The following ZNF639 variants were observed in gnomAD, a reference collection of about 807,000 sequenced individuals.
ZNF639 encodes the protein zinc finger amplified in esophageal squamous cell carcinomas 1.
A neutral mutation model predicts 39.8 loss-of-function variants in ZNF639; 20 were observed. That is an observed-to-expected ratio of 0.50 (90% confidence interval 0.35 to 0.73). The LOEUF (loss-of-function observed/expected upper bound fraction) is 0.73. Among genes scored for constraint, ZNF639 ranks in the 30% least tolerant of loss-of-function variants. The pLI is 0.00. For synonymous variants in ZNF639, 176 were observed against 189.8 expected (o/e 0.93, Z 0.60); for missense variants, 477 against 566.2 (o/e 0.84, Z 1.60).
In ZNF639 at chr3:179,333,283, A is replaced by T; in HGVS notation, c.319A>T (p.Ile107Phe). Residue 107 changes from isoleucine to phenylalanine, a missense_variant, in exon 6 of 6, where the codon ATT (isoleucine) becomes TTT (phenylalanine). Ile to Phe is a conservative substitution (Grantham distance 21). Transcript: ENST00000496856. ...TAFSTEKSAD[I>F]VICDEECDSP... ...TTATTCTTCAGAAAAATCTGCTGAT[A>T]TTGTAATTTGTGATGAAGAGTGTGA... is the stretch of plus-strand genomic sequence containing the variant. 1 of 1,601,612 alleles carries T rather than the reference A, an allele frequency of 6.2e-7. No individual in the cohort carries two copies. Among genetic ancestry groups the T allele is most frequent in the Non-Finnish European group, 8.5e-7 (1 of 1,174,198 alleles).
At chr3:179,333,206 C>G (rs190089713) in intron 5 of ZNF639, 63 bp from the exon 6 acceptor site, 2 of 1,544,940 alleles carry the variant, frequency 1.3e-6, no homozygotes, top group East Asian at 4.6e-5. Flanking sequence ...TTTTTTTTGC[C>G]CAGTTGTATT....
chr3:179,329,554 C>T (rs747382078), intron 3 of ZNF639, 64 bp from the exon 4 acceptor site: 188 of 860,858 alleles, frequency 2.2e-4, no homozygotes, highest in Admixed American at 1.5e-3. Flanking sequence ...AGTTAGATAA[C>T]GGGAAGTTTC....
At chr3:179,331,300 G>T (rs1010471323) in intron 4 of ZNF639, among the ~76,000 whole-genome samples, 2 of 151,094 alleles carry the variant, frequency 1.3e-5, no homozygotes, top group East Asian at 3.9e-4. Flanking sequence ...AGGAGATGAG[G>T]CAAATCTGTG....
chr3:179,334,060 A>C lies in ZNF639; in HGVS notation c.1096A>C (p.Thr366Pro). The C allele has an allele frequency of 6.2e-7, 1 of 1,613,714 alleles. No individual in the cohort carries two copies. Residue 366 changes from threonine (T) to proline (P), a missense_variant, in exon 6 of 6, where the codon ACC becomes CCC. Thr to Pro is a conservative substitution (Grantham distance 38). Coordinates refer to ENST00000496856, the MANE Select transcript of ZNF639 (RefSeq NM_001303426.2). ...ACAGTATAGCCTCTTAAGCAAAATT[A>C]CCTTTGACAAATGTAAAAACTTCTT... ...HGQYSLLSKITFDKCKNFFVC... is the reference protein window; with the variant it reads ...HGQYSLLSKIPFDKCKNFFVC...
intron 1 of ZNF639, chr3:179,325,086 A>C (rs183346793): frequency 3.3e-5 from 5 of 152,218 alleles, no homozygotes; most frequent in Admixed American, 2.6e-4. Flanking sequence ...CAATGATGTG[A>C]TCTCGGGTCA....
upstream of ZNF639, chr3:179,323,026 C>G (rs1223156725): frequency 1.0e-6 from 1 of 985,120 alleles, no homozygotes; most frequent in Non-Finnish European, 1.2e-6. Context: ...TCTCGGCGGG[C>G]CCCTGAGGTG....
chr3:179,322,904 G>T, upstream of ZNF639: 2 of 985,302 alleles, frequency 2.0e-6, no homozygotes, highest in Non-Finnish European at 2.4e-6. Flanking sequence ...GGGGGCGCGG[G>T]CCGCTGGGCC....
chr3:179,323,070 A>C lies in ZNF639; in HGVS notation c.-304A>C, dbSNP rs901810851. 30 of 984,756 alleles carry C rather than the reference A, an allele frequency of 3.0e-5. No homozygotes were observed. In the African/African-American group the frequency reaches 4.6e-4, roughly 15 times the overall value. The allele number at this position is 984,756 out of a possible 1,614,324, so 61.0% of individuals were successfully genotyped here. ...AGGCGCGGAGCGTGGCGGCCAGGGC[A>C]GTGCGGCCGCGGAGCCTAGGCCAGG... is the stretch of plus-strand genomic sequence containing the variant. On this transcript the variant is annotated 5_prime_UTR_variant, in exon 1 of 6. Transcript: ENST00000496856.
At chr3:179,327,913 A>T (rs1486636134) in intron 2 of ZNF639, 1 of 157,490 alleles carries the variant, frequency 6.3e-6, no homozygotes, top group Non-Finnish European at 1.4e-5. Context: ...AATGGTAGGA[A>T]ATGTGCCTAT....
rs1425728916 is a variant in ZNF639, at chr3:179,323,130, G to A, written c.-244G>A. The A allele has an allele frequency of 2.0e-6, 2 of 984,714 alleles. No homozygotes were observed. Among genetic ancestry groups the A allele is most frequent in the African/African-American group, 1.7e-5 (1 of 57,254 alleles). The allele number at this position is 984,714 out of a possible 1,614,324, so 61.0% of individuals were successfully genotyped here. A position where few individuals can be genotyped will look rare whatever the true frequency, so the allele number is the denominator to read the frequency against. ...CTCAGGGCGTGGGGCGCGCGGGGAG[G>A]GAGAGGGGTCGGCCCAGCACAGCGT... On this transcript the variant is annotated 5_prime_UTR_variant, in exon 1 of 6. Transcript: ENST00000496856.
At position 179,333,799 on chromosome 3, in the gene ZNF639, A is replaced by T; in HGVS notation, c.835A>T (p.Ile279Phe). Residue 279 changes from isoleucine to phenylalanine, a missense_variant, in exon 6 of 6, where the codon ATT becomes TTT. Physicochemically the swap from Ile to Phe is conservative, Grantham distance 21. Transcript: ENST00000496856. Reference protein sequence around the residue: ...TVIFENLSQHIADTHFSDHLY... With the variant: ...TVIFENLSQHFADTHFSDHLY... ...AATTTTTGAGAACCTCAGCCAGCAC[A>T]TTGCAGACACCCATTTTAGTGATCA... 6.2e-7 allele frequency: 1 copy of T among 1,614,194 alleles called. No homozygotes were observed. Among genetic ancestry groups the T allele is most frequent in the Non-Finnish European group, 8.5e-7 (1 of 1,180,030 alleles).
At chr3:179,332,884 G>T in intron 4 of ZNF639, 105 bp from the exon 5 acceptor site, 1 of 1,406,440 alleles carries the variant, frequency 7.1e-7, no homozygotes, top group Non-Finnish European at 9.3e-7. Context: ...CAAGTCCTTA[G>T]TTCCTGTTGG....
At chr3:179,326,874 A>C (rs146183131) in intron 1 of ZNF639, among the ~76,000 whole-genome samples, 11 of 152,052 alleles carry the variant, frequency 7.2e-5, no homozygotes, top group Non-Finnish European at 1.6e-4. Flanking sequence ...TAAATAATCT[A>C]TAAGGGCTGT....
At chr3:179,330,413 G>A (rs1473315504) in intron 4 of ZNF639, among the ~76,000 whole-genome samples, 1 of 152,122 alleles carries the variant, frequency 6.6e-6, no homozygotes, top group East Asian at 1.9e-4. Flanking sequence ...CTTTTGAGTA[G>A]CTGGGACTAC....
At position 179,328,263 on chromosome 3, in the gene ZNF639, A is replaced by C; in HGVS notation, c.-11-20A>C. 7.2e-7 allele frequency: 1 copy of C among 1,384,074 alleles called. No homozygotes were observed. Among genetic ancestry groups the C allele is most frequent in the Non-Finnish European group, 1.0e-6 (1 of 992,184 alleles). 85.7% of individuals were successfully genotyped at this position (1,384,074 alleles called of 1,614,324 possible). ...AGTTGTTATTTGTGACATATTTGTT[A>C]ATTTTTTCTCGTTTTTTAGATTGAA... On this transcript the variant is annotated intron_variant, in intron 2 of 5. Coordinates refer to ENST00000496856, the MANE Select transcript of ZNF639 (RefSeq NM_001303426.2).
In ZNF639 at chr3:179,333,489, T is replaced by C; in HGVS notation, c.525T>C (p.Leu175=). The C allele has an allele frequency of 6.2e-7, 1 of 1,614,106 alleles. No individual in the cohort carries two copies. The highest frequency in any genetic ancestry group is 8.5e-7 in the Non-Finnish European group (1 of 1,180,002). The change falls in exon 6 of 6, where the codon CTT becomes CTC. Residue 175 remains leucine, a synonymous_variant. Coordinates refer to ENST00000496856, the MANE Select transcript of ZNF639 (RefSeq NM_001303426.2). ...DQTDEEPPAK[L]CKILDKSQAL... ...CTGATGAAGAACCGCCAGCTAAACTTTGTAAAATTCTTGACAAGAGCCAAG... is the reference window on the plus strand; with the variant it reads ...CTGATGAAGAACCGCCAGCTAAACTCTGTAAAATTCTTGACAAGAGCCAAG...
At chr3:179,330,772 G>C (rs1012298532) in intron 4 of ZNF639, among the ~76,000 whole-genome samples, 1 of 152,230 alleles carries the variant, frequency 6.6e-6, no homozygotes, top group Non-Finnish European at 1.5e-5. Context: ...TGGTTCCTCT[G>C]TTCTACAGCA....
At chr3:179,331,124 A>T (rs968762148) in intron 4 of ZNF639, among the ~76,000 whole-genome samples, 3 of 152,220 alleles carry the variant, frequency 2.0e-5, no homozygotes, top group Admixed American at 6.5e-5. Flanking sequence ...GAAAGTACTT[A>T]AAAAAACCTA....
Position 179,334,310 on chromosome 3 carries a change from A to G in ZNF639, c.1346A>G (p.His449Arg). 6.2e-7 allele frequency: 1 copy of G among 1,613,128 alleles called. No individual in the cohort carries two copies. Among genetic ancestry groups the G allele is most frequent in the Non-Finnish European group, 8.5e-7 (1 of 1,179,544 alleles). Residue 449 changes from histidine to arginine, a missense_variant, in exon 6 of 6, where the codon CAT (histidine) becomes CGT (arginine). Transcript: ENST00000496856. ...GGACAAATTGAAGATCTTAAAATTC[A>G]TCTAGATTTCAAGCATTCAGCTGAC... is the stretch of plus-strand genomic sequence containing the variant. ...STGQIEDLKI[H>R]LDFKHSADLP...
Sources: allele counts gnomAD v4.1 joint callset (sites outside exome capture counted in the v4.1 genomes callset), GRCh38; gene constraint gnomAD v4.1.1; transcripts MANE v1.5; gene names NCBI Gene and HGNC (gene_info 2026-07-23, HGNC 2026-07-21).